Variants in CFAP299 observed in about 807,000 individuals in gnomAD.
CFAP299 encodes the protein cilia and flagella associated protein 299.
CFAP299 carries 21 observed loss-of-function variants against 27.0 expected under a neutral mutation model. The ratio of observed to expected loss-of-function variants is 0.78; its 90% CI spans 0.55 to 1.12. The LOEUF (loss-of-function observed/expected upper bound fraction) is 1.12. Ranked by LOEUF, CFAP299 falls within the 50% of genes most tolerant of loss-of-function variation. The probability of loss-of-function intolerance (pLI) is 0.00; values close to 1 mark genes in which losing one functional copy is unlikely to be tolerated. For missense variants in CFAP299, 310 were observed against 276.6 expected (o/e 1.12, Z -0.86); for synonymous variants, 104 against 98.1 (o/e 1.06, Z -0.36).
upstream of CFAP299, among the ~76,000 whole-genome samples, chr4:80,334,787 AC>A (rs1227375741): frequency 6.6e-6 from 1 of 152,228 alleles, no homozygotes; most frequent in African/African-American, 2.4e-5. Flanking sequence ...TTTAAGATGA[AC>A]TTTTTAAATT....
At chr4:80,492,966 C>A (rs1731215409) in intron 2 of CFAP299, among the ~76,000 whole-genome samples, 1 of 152,052 alleles carries the variant, frequency 6.6e-6, no homozygotes, top group Non-Finnish European at 1.5e-5. Context: ...GCTTGGTTTG[C>A]ATATACAAAG....
intron 2 of CFAP299, among the ~76,000 whole-genome samples, chr4:80,531,417 A>G (rs1012263300): frequency 2.0e-5 from 3 of 152,200 alleles, no homozygotes; most frequent in African/African-American, 4.8e-5. Flanking sequence ...CCAATTTTCA[A>G]TATTTTAGCT....
At chr4:80,774,355 A>G (rs1479178620) in intron 3 of CFAP299, among the ~76,000 whole-genome samples, 1 of 151,970 alleles carries the variant, frequency 6.6e-6, no homozygotes, top group Non-Finnish European at 1.5e-5. Flanking sequence ...ATATTAACTT[A>G]AAACAAAGTC....
intron 3 of CFAP299, among the ~76,000 whole-genome samples, chr4:80,693,151 G>C (rs142543488): frequency 9.9e-5 from 15 of 152,138 alleles, no homozygotes; most frequent in Non-Finnish European, 1.5e-4. Flanking sequence ...ATTCCTCAGG[G>C]ATCTAGAACT....
intron 2 of CFAP299, among the ~76,000 whole-genome samples, chr4:80,520,025 T>C (rs1368374831): frequency 6.6e-6 from 1 of 152,144 alleles, no homozygotes; most frequent in East Asian, 1.9e-4. Context: ...TTTCTACATC[T>C]TCCTTGCCTC....
intron 2 of CFAP299, among the ~76,000 whole-genome samples, chr4:80,449,843 T>G (rs1728813419): frequency 6.6e-6 from 1 of 151,938 alleles, no homozygotes; most frequent in Non-Finnish European, 1.5e-5. Context: ...TATTTAATAT[T>G]TATAAATATT....
At chr4:80,655,955 A>C (rs1740535963) in intron 3 of CFAP299, among the ~76,000 whole-genome samples, 1 of 152,134 alleles carries the variant, frequency 6.6e-6, no homozygotes, top group African/African-American at 2.4e-5. Flanking sequence ...CTTCTAGTCA[A>C]AGGTGGAAGT....
chr4:80,783,680 AT>A (rs750916692), intron 3 of CFAP299, among the ~76,000 whole-genome samples: 1 of 152,156 alleles, frequency 6.6e-6, no homozygotes, highest in Non-Finnish European at 1.5e-5. Flanking sequence ...ATATTATGGC[AT>A]TTTGAACAAC....
intron 2 of CFAP299, among the ~76,000 whole-genome samples, chr4:80,551,280 T>C (rs1281145532): frequency 6.6e-6 from 1 of 152,210 alleles, no homozygotes; most frequent in Non-Finnish European, 1.5e-5. Context: ...TTAGATTATG[T>C]AGGTAACAAT....
At chr4:80,615,757 C>T (rs1353938961) in intron 3 of CFAP299, among the ~76,000 whole-genome samples, 1 of 152,138 alleles carries the variant, frequency 6.6e-6, no homozygotes, top group Non-Finnish European at 1.5e-5. Context: ...TTATAAATTA[C>T]TTCTAAATAG....
chr4:80,339,623 C>T (rs1484359996), intron 1 of CFAP299, among the ~76,000 whole-genome samples: 4 of 152,176 alleles, frequency 2.6e-5, no homozygotes, highest in African/African-American at 9.7e-5. Flanking sequence ...AAAAGAAATG[C>T]ATCACTGTAT....
intron 4 of CFAP299, among the ~76,000 whole-genome samples, chr4:80,890,216 A>C (rs1047959280): frequency 6.6e-6 from 1 of 152,134 alleles, no homozygotes; most frequent in Non-Finnish European, 1.5e-5. Context: ...ATATGATCTC[A>C]TACTTGGAAA....
chr4:80,872,530 G>A (rs1488432022), intron 4 of CFAP299: 1 of 152,038 alleles, frequency 6.6e-6, no homozygotes, highest in Non-Finnish European at 1.5e-5. Context: ...AAACACAAAA[G>A]AGTGTAGAGA....
chr4:80,612,343 A>G (rs924767808), intron 3 of CFAP299, among the ~76,000 whole-genome samples: 3 of 152,084 alleles, frequency 2.0e-5, no homozygotes, highest in African/African-American at 4.8e-5. Flanking sequence ...ACTAAAAAAA[A>G]TTATCTCAAA....
intron 2 of CFAP299, among the ~76,000 whole-genome samples, chr4:80,407,937 C>T (rs1480100205): frequency 6.6e-6 from 1 of 152,152 alleles, no homozygotes; most frequent in Non-Finnish European, 1.5e-5. Context: ...TTTCACCTAA[C>T]ATTTAATTAC....
intron 3 of CFAP299, among the ~76,000 whole-genome samples, chr4:80,850,230 G>GC (rs1560443976): frequency 2.0e-5 from 2 of 101,536 alleles, no homozygotes; most frequent in East Asian, 2.5e-4. Context: ...TATGGCGGTG[G>GC]GGGGGGTGAT....
At chr4:80,454,621 A>G (rs1729060815) in intron 2 of CFAP299, among the ~76,000 whole-genome samples, 3 of 152,224 alleles carry the variant, frequency 2.0e-5, no homozygotes, top group Admixed American at 2.0e-4. Flanking sequence ...GGAAATTGAA[A>G]CATAAGAAAA....
chr4:80,437,668 T>C (rs1156508423), intron 2 of CFAP299, among the ~76,000 whole-genome samples: 3 of 152,168 alleles, frequency 2.0e-5, no homozygotes, highest in African/African-American at 7.2e-5. Flanking sequence ...CCAAGGCTGG[T>C]CACTATACAG....
At chr4:80,487,865 C>G (rs1730906529) in intron 2 of CFAP299, among the ~76,000 whole-genome samples, 1 of 152,122 alleles carries the variant, frequency 6.6e-6, no homozygotes. Context: ...TCACATTGTT[C>G]TGCTAATTAG....
Sources: gnomAD v4.1 joint callset for allele counts (sites outside exome capture counted in the v4.1 genomes callset) on GRCh38, gnomAD v4.1.1 for gene constraint, MANE v1.5 for transcripts, NCBI Gene and HGNC (gene_info 2026-07-23, HGNC 2026-07-21) for gene names.